DPH5: variants seen among roughly 807,000 people sequenced by gnomAD.
DPH5 encodes the protein diphthamide biosynthesis 5.
A neutral mutation model predicts 31.6 loss-of-function variants in DPH5; 31 were observed. The observed-to-expected ratio is 0.98, with a 90% CI of 0.74 to 1.32. DPH5 has a LOEUF of 1.32. Among genes scored for constraint, DPH5 ranks in the 40% most tolerant of loss-of-function variants. DPH5 has a pLI of 0.00. For synonymous variants in DPH5, 120 were observed against 115.0 expected (o/e 1.04, Z -0.28); for missense variants, 309 against 335.7 (o/e 0.92, Z 0.62).
At chr1:100,994,995 C>T in intron 6 of DPH5, 115 bp downstream of exon 6, 1 of 689,550 alleles carries the variant, frequency 1.5e-6, no homozygotes, top group South Asian at 1.7e-5. Flanking sequence ...AATGTTCACA[C>T]TGTTAATGAG....
chr1:101,014,653 T>G (rs573054430), intron 3 of DPH5, among the ~76,000 whole-genome samples: 1 of 152,324 alleles, frequency 6.6e-6, no homozygotes, highest in Non-Finnish European at 1.5e-5. Context: ...TTTGCTGCAT[T>G]GATTGACTTT....
chr1:101,016,182 G>A (rs1451512290), intron 3 of DPH5, among the ~76,000 whole-genome samples: 3 of 151,832 alleles, frequency 2.0e-5, no homozygotes, highest in Non-Finnish European at 2.9e-5. Flanking sequence ...GTGAAACCCC[G>A]TCTCTACTAA....
In DPH5 at chr1:101,021,745, TTTTC is replaced by T. The variant is rs766179038; in HGVS notation, c.152_155del (p.Arg51AsnfsTer18). ...CTTCTTCTCTATCAGCAACAACCAATTTTCTTCCATAAAACTCTTCCTACAGATA... is the reference window on the plus strand; with the variant it reads ...CTTCTTCTCTATCAGCAACAACCAATTTCCATAAAACTCTTCCTACAGATA... On this transcript the variant is annotated frameshift_variant, in exon 3 of 8. Transcript: ENST00000370109. LOFTEE classifies it high-confidence loss of function. 3 of 1,612,928 alleles carry T rather than the reference TTTTC, an allele frequency of 1.9e-6. No individual in the cohort carries two copies. Among genetic ancestry groups the T allele is most frequent in the Non-Finnish European group, 2.5e-6 (3 of 1,179,528 alleles).
intron 4 of DPH5, among the ~76,000 whole-genome samples, chr1:101,011,222 C>A (rs1234740367): frequency 4.1e-5 from 6 of 147,740 alleles, no homozygotes; most frequent in Non-Finnish European, 9.0e-5. Flanking sequence ...ATTTTTAATG[C>A]TTTTTATGTT....
Position 100,995,098 on chromosome 1 carries a change from A to G in DPH5, c.530+12T>C. 1.9e-6 allele frequency: 3 copies of G among 1,560,330 alleles called. No homozygotes were observed. The highest frequency in any genetic ancestry group is 2.6e-6 in the Non-Finnish European group (3 of 1,132,478). The stretch of plus-strand genomic sequence containing the variant: ...TAAAACACATGTATGCATTCTCAGA[A>G]TAATAACTTACTTGATTAGATTTTC... On this transcript the variant is annotated intron_variant, in intron 6 of 7. Transcript: ENST00000370109.
chr1:101,002,080 A>T (rs952430074), intron 4 of DPH5, among the ~76,000 whole-genome samples: 12 of 152,234 alleles, frequency 7.9e-5, no homozygotes, highest in African/African-American at 2.2e-4. Flanking sequence ...CTTCCATCAC[A>T]CTATCTCAAG....
chr1:101,025,218 G>A, intron 2 of DPH5, 91 bp downstream of exon 2: 1 of 1,507,826 alleles, frequency 6.6e-7, no homozygotes, highest in Non-Finnish European at 8.9e-7. Flanking sequence ...GTTTAAACAA[G>A]CAGACCTGAA....
At chr1:101,004,906 G>C (rs1006382958) in intron 4 of DPH5, among the ~76,000 whole-genome samples, 1 of 152,224 alleles carries the variant, frequency 6.6e-6, no homozygotes, top group African/African-American at 2.4e-5. Flanking sequence ...CCATTACCCA[G>C]AAATAGCTAA....
intron 6 of DPH5, among the ~76,000 whole-genome samples, chr1:100,993,551 A>AAAATAT (rs1248256167): frequency 5.3e-4 from 31 of 58,148 alleles, no homozygotes; most frequent in African/African-American, 1.2e-3. Flanking sequence ...GACTCTGTCG[A>AAAATAT]AAATATAAAT....
intron 4 of DPH5, among the ~76,000 whole-genome samples, chr1:101,007,876 A>C (rs1659352214): frequency 6.6e-6 from 1 of 152,188 alleles, no homozygotes; most frequent in Admixed American, 6.5e-5. Context: ...GGACATCTAA[A>C]CACAACCAAC....
At chr1:101,022,307 A>G (rs1195044800) in intron 2 of DPH5, among the ~76,000 whole-genome samples, 1 of 152,256 alleles carries the variant, frequency 6.6e-6, no homozygotes, top group Non-Finnish European at 1.5e-5. Flanking sequence ...AATGCAGAAG[A>G]TACTAATTTA....
Position 101,021,684 on chromosome 1 carries a change from C to G in DPH5, c.217G>C (p.Asp73His). ...QEADNILKDADISDVAFLVVG... is the reference protein window; with the variant it reads ...QEADNILKDAHISDVAFLVVG... ...ACAAGGAATGCAACATCACTGATAT[C>G]AGCATCCTTTAAAATATTATCTGCT... The change falls in exon 3 of 8, where the codon GAT becomes CAT. Residue 73 changes from aspartate (D) to histidine (H), a missense_variant. By Grantham distance (81) the Asp-to-His change is moderately conservative. Transcript: ENST00000370109. 1.9e-6 allele frequency: 3 copies of G among 1,613,964 alleles called. No individual in the cohort carries two copies. Among genetic ancestry groups the G allele is most frequent in the Non-Finnish European group, 2.5e-6 (3 of 1,179,908 alleles).
At chr1:101,018,885 T>C (rs1466660734) in intron 3 of DPH5, among the ~76,000 whole-genome samples, 2 of 152,176 alleles carry the variant, frequency 1.3e-5, no homozygotes, top group Non-Finnish European at 2.9e-5. Context: ...AAAAATAGAC[T>C]AATAATAATG....
At chr1:101,001,067 T>A (rs991885820) in intron 5 of DPH5, among the ~76,000 whole-genome samples, 16 of 152,198 alleles carry the variant, frequency 1.1e-4, no homozygotes, top group Admixed American at 6.5e-4. Context: ...GATCTATCAT[T>A]GTGAATCTGA....
chr1:101,001,917 G>A (rs1311770642), intron 4 of DPH5, among the ~76,000 whole-genome samples: 3 of 151,986 alleles, frequency 2.0e-5, no homozygotes, highest in Non-Finnish European at 4.4e-5. Flanking sequence ...AAAAAAAAGA[G>A]TTCTGAGCAA....
At chr1:101,001,032 A>G (rs923779470) in intron 5 of DPH5, among the ~76,000 whole-genome samples, 1 of 152,224 alleles carries the variant, frequency 6.6e-6, no homozygotes, top group Non-Finnish European at 1.5e-5. Context: ...AGGCCTCAAT[A>G]AGATGATCTC....
rs10527775 is a variant in DPH5, at chr1:100,993,559, A to AATATATATATATATATATATATAT, written c.531-843_531-820dup. ...AGAGCAAGACTCTGTCGAAAATATA[A>AATATATATATATATATATATATAT]ATATATATATATATATATATATATA... On this transcript the variant is annotated intron_variant, in intron 6 of 7. Coordinates refer to ENST00000370109, the MANE Select transcript of DPH5 (RefSeq NM_015958.3). Among the ~76,000 whole-genome samples the AATATATATATATATATATATATAT allele has an allele frequency of 9.2e-4, 52 of 56,506 alleles. 3 individuals carry two copies. Among genetic ancestry groups the AATATATATATATATATATATATAT allele is most frequent in the Non-Finnish European group, 1.2e-3 (34 of 29,046 alleles). The allele number at this position is 56,506 out of a possible 152,430, so 37.1% of individuals were successfully genotyped here.
intron 5 of DPH5, 45 bp downstream of exon 5, chr1:101,001,422 T>C (rs1558038068): frequency 6.3e-7 from 1 of 1,588,616 alleles, no homozygotes; most frequent in Non-Finnish European, 8.6e-7. Context: ...GAGAACAGTA[T>C]GATAGTTCCA....
Position 101,010,882 on chromosome 1 carries a change from A to G in DPH5, c.369+2828T>C, listed in dbSNP as rs1659579692. Reference sequence around the variant, plus strand: ...AAGTTTTTAATTTGTCTAGGTTGGTAATTCTCAAAGTATGGTACCTGTAGC... The same window carrying G: ...AAGTTTTTAATTTGTCTAGGTTGGTGATTCTCAAAGTATGGTACCTGTAGC... On this transcript the variant is annotated intron_variant, in intron 4 of 7. Transcript: ENST00000370109. Among the ~76,000 whole-genome samples, 3 of 152,348 alleles carry G rather than the reference A, an allele frequency of 2.0e-5. No individual in the cohort carries two copies. The South Asian group carries it at 6.2e-4, about 32-fold the overall frequency.
Sources: gnomAD v4.1 joint callset for allele counts (sites outside exome capture counted in the v4.1 genomes callset) on GRCh38, gnomAD v4.1.1 for gene constraint, MANE v1.5 for transcripts, NCBI Gene and HGNC (gene_info 2026-07-23, HGNC 2026-07-21) for gene names.